Variants in DCAF8L2 observed in about 807,000 individuals in gnomAD.
DCAF8L2 encodes DDB1- and CUL4-associated factor 8-like protein 2.
For missense variants in DCAF8L2, 430 were observed against 490.7 expected, an observed-to-expected ratio of 0.88 and a Z score of 1.17; for synonymous variants, 200 against 190.9, an observed-to-expected ratio of 1.05 and a Z score of -0.39.
At chrX:27,516,569 T>C in the DCAF8L2 span, among the ~76,000 whole-genome samples, 1 of 110,938 alleles carries the variant, frequency 9.0e-6, no homozygotes, top group Non-Finnish European at 1.9e-5. Flanking sequence ...GATGATAGTA[T>C]ACCAGTGAGG....
chrX:27,711,420 TGTG>T (rs1435827018), intron 3 of DCAF8L2, among the ~76,000 whole-genome samples: 2 of 107,943 alleles, frequency 1.9e-5, no homozygotes, highest in African/African-American at 3.4e-5. Flanking sequence ...TGTGTGTGTG[TGTG>T]TATTATATAT....
intron 3 of DCAF8L2, among the ~76,000 whole-genome samples, chrX:27,696,194 G>A (rs188895929): frequency 1.9e-4 from 19 of 98,900 alleles, no homozygotes; most frequent in African/African-American, 6.3e-4. Context: ...GTTAGACTCC[G>A]TCAGAAGAAA....
At chrX:27,653,725 TAC>T (rs34651746) in intron 2 of DCAF8L2, among the ~76,000 whole-genome samples, 1,952 of 91,857 alleles carry the variant, frequency 0.021, 26 homozygotes, top group African/African-American at 0.045. Flanking sequence ...CAGATATGTA[TAC>T]ACACACACAC....
Position 27,598,083 on chromosome X carries a change from G to A in DCAF8L2, c.-342+7643G>A, listed in dbSNP as rs769031375. Among the ~76,000 whole-genome samples the A allele has an allele frequency of 2.7e-5, 3 of 111,521 alleles. 1 individual carries two copies. Among genetic ancestry groups the A allele is most frequent in the Non-Finnish European group, 5.7e-5 (3 of 53,077 alleles). ...ATCAATGACTGCAAAAATTGTACAA[G>A]GTATACTCAAAGAAAAATAAAATAT... On this transcript the variant is annotated intron_variant, in intron 1 of 4. Transcript: ENST00000451261.
chrX:27,689,697 A>G (rs141007814), intron 3 of DCAF8L2, among the ~76,000 whole-genome samples: 1 of 112,763 alleles, frequency 8.9e-6, no homozygotes, highest in Non-Finnish European at 1.9e-5. Flanking sequence ...CAGACAATAT[A>G]AATGATTCAT....
intron 1 of DCAF8L2, among the ~76,000 whole-genome samples, chrX:27,606,921 C>T (rs1387345236): frequency 9.0e-6 from 1 of 111,033 alleles, no homozygotes. Context: ...AAGAAGTTAC[C>T]TGTATTCATA....
chrX:27,577,053 G>A, the DCAF8L2 span, among the ~76,000 whole-genome samples: 23 of 111,857 alleles, frequency 2.1e-4, no homozygotes, highest in African/African-American at 6.2e-4. Context: ...TTGATCAGAC[G>A]TAGGGATGTT....
intron 2 of DCAF8L2, among the ~76,000 whole-genome samples, chrX:27,662,522 C>G (rs1929593877): frequency 9.0e-6 from 1 of 111,462 alleles, no homozygotes; most frequent in African/African-American, 3.3e-5. Flanking sequence ...ATTATTTATA[C>G]CTTTCAATGC....
At chrX:27,687,268 T>C (rs1930545774) in intron 3 of DCAF8L2, among the ~76,000 whole-genome samples, 2 of 112,321 alleles carry the variant, frequency 1.8e-5, no homozygotes, top group Non-Finnish European at 1.9e-5. Context: ...AAGTAAAATA[T>C]ATTTATCAAA....
At chrX:27,625,650 A>T (rs1927972254) in intron 1 of DCAF8L2, among the ~76,000 whole-genome samples, 1 of 112,192 alleles carries the variant, frequency 8.9e-6, no homozygotes, top group Admixed American at 9.4e-5. Flanking sequence ...AAAATGTGGT[A>T]CGTATACACC....
the DCAF8L2 span, among the ~76,000 whole-genome samples, chrX:27,510,777 A>G: frequency 1.8e-5 from 2 of 111,017 alleles, no homozygotes; most frequent in Non-Finnish European, 3.8e-5. Flanking sequence ...CATCTGCTCA[A>G]TATTTTATTG....
the DCAF8L2 span, among the ~76,000 whole-genome samples, chrX:27,492,416 TAGAAAC>T: frequency 9.0e-6 from 1 of 111,727 alleles, no homozygotes; most frequent in African/African-American, 3.2e-5. Flanking sequence ...TTTTCTTCTG[TAGAAAC>T]CTAATTTTGC....
At chrX:27,563,758 A>G in the DCAF8L2 span, among the ~76,000 whole-genome samples, 3 of 112,417 alleles carry the variant, frequency 2.7e-5, no homozygotes, top group Non-Finnish European at 5.6e-5. Context: ...AGTAGTTTTC[A>G]AATATGCTTA....
chrX:27,730,482 A>G lies in DCAF8L2; in HGVS notation c.-59+14311A>G, dbSNP rs765273709. On this transcript the variant is annotated intron_variant, in intron 4 of 4. Coordinates refer to ENST00000451261, the MANE Select transcript of DCAF8L2 (RefSeq NM_001353450.2). ...GCCCAGGCTGGAGTGCAGTGGTGCA[A>G]TCTCAGCTCACTGCAACCTCTGCCC... is the stretch of plus-strand genomic sequence containing the variant. Among the ~76,000 whole-genome samples the G allele has an allele frequency of 5.4e-5, 6 of 110,917 alleles. No individual in the cohort carries two copies. The East Asian group carries it at 8.5e-4, about 16-fold the overall frequency.
intron 1 of DCAF8L2, among the ~76,000 whole-genome samples, chrX:27,615,213 A>C (rs1485511296): frequency 9.0e-6 from 1 of 111,557 alleles, no homozygotes; most frequent in Non-Finnish European, 1.9e-5. Context: ...CAGATATCCA[A>C]CTCATCCCTA....
the DCAF8L2 span, among the ~76,000 whole-genome samples, chrX:27,491,164 T>G: frequency 8.9e-6 from 1 of 112,895 alleles, no homozygotes; most frequent in Admixed American, 9.4e-5. Flanking sequence ...AAAAAATGTT[T>G]TGCATTTTAC....
chrX:27,505,821 T>G, the DCAF8L2 span, among the ~76,000 whole-genome samples: 5 of 112,263 alleles, frequency 4.5e-5, no homozygotes, highest in Non-Finnish European at 9.4e-5. Context: ...TGAGATGCTC[T>G]AAAGACAGGT....
chrX:27,628,326 C>T (rs1426332085), intron 1 of DCAF8L2, among the ~76,000 whole-genome samples: 1 of 111,606 alleles, frequency 9.0e-6, no homozygotes, highest in African/African-American at 3.3e-5. Flanking sequence ...TTTATCCATT[C>T]ATGAGTTGAT....
chrX:27,674,077 A>G (rs934226362), intron 2 of DCAF8L2, among the ~76,000 whole-genome samples: 4 of 111,936 alleles, frequency 3.6e-5, no homozygotes, highest in Non-Finnish European at 7.5e-5. Flanking sequence ...TTATTGGCTT[A>G]GTGAATTAGA....
Sources: gnomAD v4.1 joint callset for allele counts (sites outside exome capture counted in the v4.1 genomes callset) on GRCh38, gnomAD v4.1.1 for gene constraint, MANE v1.5 for transcripts, NCBI Gene and HGNC (gene_info 2026-07-23, HGNC 2026-07-21) for gene names.